Variants in DLG2 observed in about 807,000 individuals in gnomAD.
DLG2 encodes discs large MAGUK scaffold protein 2.
In DLG2, 45 loss-of-function variants were observed where a neutral mutation model predicts 132.5. That is an observed-to-expected ratio of 0.34 (90% CI 0.27 to 0.44). The LOEUF (loss-of-function observed/expected upper bound fraction) is 0.44. Ranked by LOEUF, DLG2 falls within the 20% of genes least tolerant of loss-of-function variation. The pLI is 1.00. For missense variants in DLG2, 1,045 were observed against 1,196.9 expected, an observed-to-expected ratio of 0.87 and a Z score of 1.87; for synonymous variants, 424 against 419.6, an observed-to-expected ratio of 1.01 and a Z score of -0.13.
chr11:83,505,353 A>T lies in DLG2; in HGVS notation c.2194-21125T>A, dbSNP rs150146958. Among the ~76,000 whole-genome samples, 855 of 152,298 alleles carry T rather than the reference A, an allele frequency of 5.6e-3. 12 individuals are homozygous for T. The highest frequency in any genetic ancestry group is 0.019 in the African/African-American group (804 of 41,558). ...TGGTGAGTGGAAGCCCATGTTGCTG[A>T]GCCCATGCATAATCTCCATCCCTGC... is the stretch of plus-strand genomic sequence containing the variant. On this transcript the variant is annotated intron_variant, in intron 21 of 27. Coordinates refer to ENST00000376104, the MANE Select transcript of DLG2 (RefSeq NM_001142699.3).
chr11:83,735,738 C>T lies in DLG2; in HGVS notation c.1825+50952G>A, dbSNP rs74629015. ...TTCTAACCAGCGGTTCTGTTTACCA[C>T]TGGAAATTGAGAGTGATTGGAATGA... is the stretch of plus-strand genomic sequence containing the variant. On this transcript the variant is annotated intron_variant, in intron 18 of 27. Coordinates refer to ENST00000376104, the MANE Select transcript of DLG2 (RefSeq NM_001142699.3). Among the ~76,000 whole-genome samples, 120 of 152,286 alleles carry T rather than the reference C, an allele frequency of 7.9e-4. 3 individuals carry two copies. The East Asian group carries it at 0.02, about 26-fold the overall frequency.
intron 3 of DLG2, among the ~76,000 whole-genome samples, chr11:85,415,701 G>C (rs963240318): frequency 1.1e-4 from 16 of 150,918 alleles, no homozygotes; most frequent in African/African-American, 3.9e-4. Flanking sequence ...CTTTTTGTTG[G>C]GTTTTTTTCT....
chr11:84,237,912 G>C (rs903488738), intron 8 of DLG2, among the ~76,000 whole-genome samples: 1 of 151,402 alleles, frequency 6.6e-6, no homozygotes, highest in African/African-American at 2.4e-5. Flanking sequence ...GTGGTGGTGG[G>C]GCACCTGTAA....
At chr11:84,542,536 T>C (rs931343495) in intron 6 of DLG2, among the ~76,000 whole-genome samples, 2 of 152,138 alleles carry the variant, frequency 1.3e-5, no homozygotes, top group Non-Finnish European at 2.9e-5. Context: ...GCTACATACA[T>C]AGTGTGTGTC....
chr11:84,144,260 A>G (rs1278166220), intron 9 of DLG2, among the ~76,000 whole-genome samples: 2 of 152,186 alleles, frequency 1.3e-5, no homozygotes, highest in South Asian at 4.1e-4. Flanking sequence ...TGTAGATGTC[A>G]CCAAGCCTGT....
At position 83,541,696 on chromosome 11, in the gene DLG2, G is replaced by A. The variant is rs1168041210; in HGVS notation, c.2103C>T (p.Ile701=). ...LEGDSEEMGV[I]PSKRRVERKE... ...GGCATTCTTACCTCCTTTTGCTGGGGATGACCCCCATCTCCTCACTGTCTC... is the reference window on the plus strand; with the variant it reads ...GGCATTCTTACCTCCTTTTGCTGGGAATGACCCCCATCTCCTCACTGTCTC... The change falls in exon 20 of 28, where the codon ATC becomes ATT. Residue 701 remains isoleucine (I), a synonymous_variant. Coordinates refer to ENST00000376104, the MANE Select transcript of DLG2 (RefSeq NM_001142699.3). 7 of 1,605,880 alleles carry A rather than the reference G, an allele frequency of 4.4e-6. No individual in the cohort carries two copies. Among genetic ancestry groups the A allele is most frequent in the Non-Finnish European group, 5.1e-6 (6 of 1,176,318 alleles).
At chr11:83,603,635 T>G (rs1244520104) in intron 19 of DLG2, among the ~76,000 whole-genome samples, 2 of 71,794 alleles carry the variant, frequency 2.8e-5, no homozygotes, top group Non-Finnish European at 5.0e-5. Context: ...TTTCATATCC[T>G]CTCTAACACT....
At chr11:84,861,625 AAAAAAAAAAAAAAAC>A (rs1197624537) in intron 6 of DLG2, among the ~76,000 whole-genome samples, 9,042 of 106,048 alleles carry the variant, frequency 0.085, 430 homozygotes, top group African/African-American at 0.12. Flanking sequence ...CAGCAAAAAA[AAAAAAAAAAAAAAAC>A]AAAAAAAAAA....
chr11:83,478,626 A>AAAT (rs1238448208), intron 22 of DLG2, among the ~76,000 whole-genome samples: 3 of 152,040 alleles, frequency 2.0e-5, no homozygotes, highest in Non-Finnish European at 4.4e-5. Context: ...GAAGCCTTTA[A>AAAT]AATACTCTAT....
intron 3 of DLG2, among the ~76,000 whole-genome samples, chr11:85,583,321 A>G (rs905287277): frequency 6.7e-6 from 1 of 150,278 alleles, no homozygotes; most frequent in Non-Finnish European, 1.5e-5. Flanking sequence ...ATGCATCACC[A>G]TGACCAGCTT....
chr11:83,466,018 G>T (rs1465896466), intron 26 of DLG2, among the ~76,000 whole-genome samples: 1 of 152,078 alleles, frequency 6.6e-6, no homozygotes, highest in Non-Finnish European at 1.5e-5. Flanking sequence ...ATTCTTGAAA[G>T]AAGTTATTTC....
intron 15 of DLG2, among the ~76,000 whole-genome samples, chr11:83,876,649 A>T (rs188126470): frequency 1.2e-4 from 18 of 152,214 alleles, no homozygotes; most frequent in Admixed American, 4.6e-4. Context: ...AAAACAAAAC[A>T]TATAGAATTT....
chr11:83,695,456 G>T (rs547080787), intron 18 of DLG2, among the ~76,000 whole-genome samples: 2 of 152,252 alleles, frequency 1.3e-5, no homozygotes, highest in Admixed American at 6.5e-5. Context: ...CAGTAAAAGA[G>T]TCCTAGCTGG....
intron 3 of DLG2, among the ~76,000 whole-genome samples, chr11:85,448,274 A>C (rs531299060): frequency 6.6e-6 from 1 of 152,318 alleles, no homozygotes; most frequent in East Asian, 1.9e-4. Flanking sequence ...TAAGTTTACC[A>C]TTTCCTGGAA....
chr11:84,181,560 CA>C (rs1166094599), intron 8 of DLG2, among the ~76,000 whole-genome samples: 1 of 151,838 alleles, frequency 6.6e-6, no homozygotes, highest in Admixed American at 6.6e-5. Context: ...ATAAATACAT[CA>C]ATTCAAGAGC....
chr11:85,288,755 T>C (rs149852322), intron 3 of DLG2, among the ~76,000 whole-genome samples: 12 of 152,166 alleles, frequency 7.9e-5, no homozygotes, highest in African/African-American at 2.7e-4. Context: ...CGACTTGTAA[T>C]GAATAAAACA....
intron 6 of DLG2, among the ~76,000 whole-genome samples, chr11:84,795,430 G>T (rs1004913334): frequency 6.6e-6 from 1 of 151,890 alleles, no homozygotes; most frequent in Non-Finnish European, 1.5e-5. Flanking sequence ...GCTACCCACT[G>T]TGGGTTTCCT....
chr11:85,294,794 C>T (rs2079118967), intron 3 of DLG2, among the ~76,000 whole-genome samples: 1 of 152,000 alleles, frequency 6.6e-6, no homozygotes, highest in Non-Finnish European at 1.5e-5. Context: ...ATCAATAAAG[C>T]AGAATTAATA....
intron 18 of DLG2, among the ~76,000 whole-genome samples, chr11:83,737,257 G>A (rs2092018368): frequency 6.6e-6 from 1 of 152,170 alleles, no homozygotes; most frequent in Non-Finnish European, 1.5e-5. Context: ...TCTTTTATCA[G>A]ATGAATTATT....
Sources: gnomAD v4.1 joint callset for allele counts (sites outside exome capture counted in the v4.1 genomes callset) on GRCh38, gnomAD v4.1.1 for gene constraint, MANE v1.5 for transcripts, NCBI Gene and HGNC (gene_info 2026-07-23, HGNC 2026-07-21) for gene names.